The following CSMD1 variants were observed in gnomAD, a reference collection of about 807,000 sequenced individuals.
CSMD1 encodes CUB and Sushi multiple domains 1.
A neutral mutation model predicts 417.5 loss-of-function variants in CSMD1; 213 were observed. The ratio of observed to expected loss-of-function variants is 0.51; its 90% CI spans 0.46 to 0.57. CSMD1 has a LOEUF of 0.57. Among genes scored for constraint, CSMD1 ranks in the 20% least tolerant of loss-of-function variants. The probability of loss-of-function intolerance (pLI) is 0.00; values close to 1 mark genes in which losing one functional copy is unlikely to be tolerated. For synonymous variants in CSMD1, 2,862 were observed against 1,736.8 expected (o/e 1.65, Z -16.11); for missense variants, 6,923 against 4,529.7 (o/e 1.53, Z -15.17).
At chr8:3,616,509 G>A (rs188619243) in intron 8 of CSMD1, among the ~76,000 whole-genome samples, 2 of 151,980 alleles carry the variant, frequency 1.3e-5, no homozygotes, top group African/African-American at 4.8e-5. Flanking sequence ...TGTGAGAAGG[G>A]ACTAATACAG....
intron 10 of CSMD1, among the ~76,000 whole-genome samples, chr8:3,567,588 A>G (rs1288740113): frequency 1.3e-5 from 2 of 151,920 alleles, no homozygotes; most frequent in Admixed American, 6.6e-5. Context: ...GAAAGGAAGG[A>G]AAGGGAGAAA....
intron 9 of CSMD1, among the ~76,000 whole-genome samples, chr8:3,578,076 C>T (rs1445104512): frequency 1.3e-5 from 2 of 152,184 alleles, no homozygotes; most frequent in Admixed American, 1.3e-4. Flanking sequence ...CTCTGAATTT[C>T]ATAGTGGAGA....
At chr8:4,033,936 G>A (rs1425343229) in intron 3 of CSMD1, among the ~76,000 whole-genome samples, 2 of 152,136 alleles carry the variant, frequency 1.3e-5, no homozygotes, top group Non-Finnish European at 1.5e-5. Flanking sequence ...AATTTAGTAT[G>A]TCATCAGTAA....
At chr8:4,239,728 T>G (rs948639903) in intron 3 of CSMD1, among the ~76,000 whole-genome samples, 1 of 152,138 alleles carries the variant, frequency 6.6e-6, no homozygotes, top group African/African-American at 2.4e-5. Context: ...TGCTTTATTG[T>G]GGAAAGGTGG....
chr8:4,750,129 C>A (rs1222840216), intron 1 of CSMD1, among the ~76,000 whole-genome samples: 1 of 152,178 alleles, frequency 6.6e-6, no homozygotes, highest in Non-Finnish European at 1.5e-5. Flanking sequence ...CCTCAGCCTC[C>A]CGAGTAGCTG....
rs1000743460 is a variant in CSMD1, at chr8:4,859,799, G to T, written c.85+134533C>A. Among the ~76,000 whole-genome samples the T allele has an allele frequency of 1.2e-3, 188 of 151,960 alleles. 1 individual carries two copies. Among genetic ancestry groups the T allele is most frequent in the African/African-American group, 3.3e-3 (137 of 41,480 alleles). On this transcript the variant is annotated intron_variant, in intron 1 of 69. Coordinates refer to ENST00000635120, the MANE Select transcript of CSMD1 (RefSeq NM_033225.6). Reference sequence around the variant, plus strand: ...GGATGTGGAGAAATAGGAACACTTTGACACTGTTGGTGGGACTGTAAACTA... The same window carrying T: ...GGATGTGGAGAAATAGGAACACTTTTACACTGTTGGTGGGACTGTAAACTA...
intron 3 of CSMD1, among the ~76,000 whole-genome samples, chr8:4,386,607 T>C (rs546923494): frequency 6.6e-6 from 1 of 152,226 alleles, no homozygotes; most frequent in Admixed American, 6.5e-5. Context: ...ATGCAGTTTA[T>C]ATTTAATCAG....
intron 5 of CSMD1, among the ~76,000 whole-genome samples, chr8:3,756,556 T>C (rs926389720): frequency 2.0e-5 from 3 of 152,094 alleles, no homozygotes; most frequent in Non-Finnish European, 2.9e-5. Context: ...AATATATACA[T>C]AGCTAATAGT....
intron 49 of CSMD1, among the ~76,000 whole-genome samples, chr8:3,079,519 T>C (rs978102496): frequency 6.6e-6 from 1 of 152,186 alleles, no homozygotes; most frequent in African/African-American, 2.4e-5. Context: ...AAAATCAAGA[T>C]AAAAGTCTCA....
intron 27 of CSMD1, among the ~76,000 whole-genome samples, chr8:3,224,782 A>G (rs1379470802): frequency 6.6e-6 from 1 of 152,228 alleles, no homozygotes. Flanking sequence ...CTTGAATTGG[A>G]AAGTATTTAG....
At chr8:3,744,469 A>T (rs1164584646) in intron 6 of CSMD1, among the ~76,000 whole-genome samples, 1 of 150,968 alleles carries the variant, frequency 6.6e-6, no homozygotes, top group East Asian at 2.0e-4. Context: ...GATTTTAACT[A>T]GGACTTCTAA....
chr8:4,982,802 C>T (rs568242910), intron 1 of CSMD1, among the ~76,000 whole-genome samples: 15 of 152,256 alleles, frequency 9.9e-5, no homozygotes, highest in East Asian at 5.8e-4. Context: ...GTTCCGTAGA[C>T]GCCTCAGCTT....
chr8:3,865,922 ACTC>A (rs1805065000), intron 5 of CSMD1, among the ~76,000 whole-genome samples: 3 of 152,170 alleles, frequency 2.0e-5, no homozygotes, highest in African/African-American at 7.2e-5. Context: ...ACATTAATTA[ACTC>A]CTCATGTTTC....
At chr8:3,111,039 TA>T (rs1816482300) in intron 42 of CSMD1, among the ~76,000 whole-genome samples, 1 of 152,174 alleles carries the variant, frequency 6.6e-6, no homozygotes, top group South Asian at 2.1e-4. Context: ...GTCTTTAATT[TA>T]AATATTCATA....
rs915037990 is a variant in CSMD1, at chr8:4,322,113, A to G, written c.415+97840T>C. On this transcript the variant is annotated intron_variant, in intron 3 of 69. Coordinates refer to ENST00000635120, the MANE Select transcript of CSMD1 (RefSeq NM_033225.6). ...CTTTAATTACATAAATACTTAATAT[A>G]AAATATTGGATCATTTTATCCTCCG... is the stretch of plus-strand genomic sequence containing the variant. Among the ~76,000 whole-genome samples the G allele has an allele frequency of 7.9e-5, 12 of 152,190 alleles. No individual in the cohort carries two copies. In the East Asian group the frequency reaches 2.3e-3, roughly 29 times the overall value.
intron 1 of CSMD1, among the ~76,000 whole-genome samples, chr8:4,946,413 C>T (rs1020760049): frequency 5.9e-5 from 9 of 152,100 alleles, no homozygotes; most frequent in African/African-American, 2.2e-4. Context: ...GGTCATTGTC[C>T]ATGAAGATGG....
chr8:3,955,921 G>A (rs1178726574), intron 5 of CSMD1, among the ~76,000 whole-genome samples: 1 of 152,172 alleles, frequency 6.6e-6, no homozygotes, highest in Non-Finnish European at 1.5e-5. Context: ...CCGGGTTAAA[G>A]CAGCTGGGAT....
intron 1 of CSMD1, among the ~76,000 whole-genome samples, chr8:4,661,845 A>C (rs1442565581): frequency 6.6e-6 from 1 of 152,212 alleles, no homozygotes; most frequent in Non-Finnish European, 1.5e-5. Flanking sequence ...GAAGTTGTAG[A>C]ATGTTAATGT....
chr8:4,530,472 G>C (rs1418949765), intron 2 of CSMD1, among the ~76,000 whole-genome samples: 1 of 151,330 alleles, frequency 6.6e-6, no homozygotes, highest in African/African-American at 2.4e-5. Flanking sequence ...TTAGGTATTT[G>C]TCCTAACACT....
Sources: allele counts gnomAD v4.1 joint callset (sites outside exome capture counted in the v4.1 genomes callset), GRCh38; gene constraint gnomAD v4.1.1; transcripts MANE v1.5; gene names NCBI Gene and HGNC (gene_info 2026-07-23, HGNC 2026-07-21).